SYNDIG1: variants seen among roughly 807,000 people sequenced by gnomAD.
SYNDIG1 encodes the protein synapse differentiation inducing 1.
In SYNDIG1, 9 loss-of-function variants were observed where a neutral mutation model predicts 19.4. That is an observed-to-expected ratio of 0.46 (90% CI 0.28 to 0.81). SYNDIG1 has a LOEUF of 0.81. SYNDIG1 is among the 30% of genes least tolerant of loss of function. The pLI, the probability that SYNDIG1 is intolerant of heterozygous loss-of-function variation, is 0.12. For synonymous variants in SYNDIG1, 141 were observed against 145.9 expected (o/e 0.97, Z 0.24); for missense variants, 311 against 343.3 (o/e 0.91, Z 0.74).
chr20:24,507,921 C>A (rs2056636997), intron 1 of SYNDIG1, among the ~76,000 whole-genome samples: 1 of 152,138 alleles, frequency 6.6e-6, no homozygotes, highest in African/African-American at 2.4e-5. Flanking sequence ...AACCCAGGAA[C>A]CTGCGCAGGG....
intron 2 of SYNDIG1, among the ~76,000 whole-genome samples, chr20:24,574,634 A>T (rs1177902778): frequency 6.6e-6 from 1 of 152,196 alleles, no homozygotes; most frequent in African/African-American, 2.4e-5. Flanking sequence ...TTCTTATCCT[A>T]CTCTAACCAT....
chr20:24,480,400 C>A (rs568135419), intron 1 of SYNDIG1, among the ~76,000 whole-genome samples: 113 of 152,212 alleles, frequency 7.4e-4, no homozygotes, highest in Non-Finnish European at 1.2e-3. Context: ...GATAATAAAA[C>A]GAAGTGTTCA....
chr20:24,484,431 A>G (rs2055899792), intron 1 of SYNDIG1, among the ~76,000 whole-genome samples: 1 of 152,190 alleles, frequency 6.6e-6, no homozygotes, highest in South Asian at 2.1e-4. Context: ...CTCCGGTTTG[A>G]GTTTTCTAGT....
At chr20:24,480,506 C>T (rs959892636) in intron 1 of SYNDIG1, among the ~76,000 whole-genome samples, 1 of 152,170 alleles carries the variant, frequency 6.6e-6, no homozygotes, top group Admixed American at 6.6e-5. Flanking sequence ...GAAATTGGAA[C>T]CCATGTGCAC....
intron 2 of SYNDIG1, among the ~76,000 whole-genome samples, chr20:24,551,628 A>G (rs1242648372): frequency 6.6e-6 from 1 of 152,020 alleles, no homozygotes; most frequent in African/African-American, 2.4e-5. Context: ...ATTCAAGGCT[A>G]TCACTTTCTT....
At chr20:24,589,363 AC>A (rs1243978899) in intron 3 of SYNDIG1, among the ~76,000 whole-genome samples, 1 of 152,248 alleles carries the variant, frequency 6.6e-6, no homozygotes, top group Non-Finnish European at 1.5e-5. Flanking sequence ...AATATTTCTA[AC>A]CCTTAAAGCC....
In SYNDIG1 at chr20:24,469,732, G is replaced by T. The variant is rs1301958921; in HGVS notation, c.-100G>T. The T allele has an allele frequency of 6.6e-6, 1 of 151,792 alleles. No individual in the cohort carries two copies. The highest frequency in any genetic ancestry group is 2.4e-5 in the African/African-American group (1 of 41,400). 9.4% of individuals were successfully genotyped at this position (151,792 alleles called of 1,614,324 possible). On this transcript the variant is annotated 5_prime_UTR_variant, in exon 1 of 4. Transcript: ENST00000376862. The stretch of plus-strand genomic sequence containing the variant: ...CGCGGGCGGCCGCTTGGGCGCACTT[G>T]CCGGGTCACCTTGTCCCGGAGGTAA...
At chr20:24,557,142 G>T (rs2057837876) in intron 2 of SYNDIG1, among the ~76,000 whole-genome samples, 1 of 152,028 alleles carries the variant, frequency 6.6e-6, no homozygotes, top group Non-Finnish European at 1.5e-5. Flanking sequence ...CTCGAGCCTT[G>T]GCTTTCAGCT....
chr20:24,576,012 C>T (rs1435879684), intron 2 of SYNDIG1, among the ~76,000 whole-genome samples: 1 of 152,130 alleles, frequency 6.6e-6, no homozygotes, highest in East Asian at 1.9e-4. Flanking sequence ...ACCACTGCAT[C>T]GGTGACAGCA....
intron 1 of SYNDIG1, among the ~76,000 whole-genome samples, chr20:24,534,981 C>T (rs2057333998): frequency 6.6e-6 from 1 of 152,234 alleles, no homozygotes; most frequent in Non-Finnish European, 1.5e-5. Flanking sequence ...ATTATTTTGT[C>T]ACCAACCACT....
intron 1 of SYNDIG1, among the ~76,000 whole-genome samples, chr20:24,484,963 C>A (rs2055914490): frequency 6.6e-6 from 1 of 152,122 alleles, no homozygotes. Context: ...GTAGTGAGTT[C>A]TTTCTTCCTT....
At chr20:24,661,464 AAGGAGGGAGGGAAGAGGGAGGAAGAAG>A (rs2059592124) in intron 3 of SYNDIG1, among the ~76,000 whole-genome samples, 1 of 113,992 alleles carries the variant, frequency 8.8e-6, no homozygotes, top group African/African-American at 3.3e-5. Flanking sequence ...AGGAAGTAGG[AAGGAGGGAGGGAAGAGGGAGGAAGAAG>A]GGAGGGAGGG....
intron 1 of SYNDIG1, among the ~76,000 whole-genome samples, chr20:24,512,581 G>A (rs983296115): frequency 2.6e-5 from 4 of 152,232 alleles, no homozygotes; most frequent in East Asian, 1.9e-4. Context: ...AGGCAGCAGC[G>A]AGGCTGGGGG....
intron 1 of SYNDIG1, among the ~76,000 whole-genome samples, chr20:24,500,519 TTTCTTTCTTTCTTC>T (rs1314828918): frequency 9.3e-6 from 1 of 107,996 alleles, no homozygotes; most frequent in Non-Finnish European, 1.9e-5. Flanking sequence ...TCTTTCTTTC[TTTCTTTCTTTCTTC>T]TTTCTTTCTT....
chr20:24,543,516 A>C lies in SYNDIG1; in HGVS notation c.419A>C (p.Asp140Ala). ...AAGTTCATTGACCTCTCAGCTGATG[A>C]CATAAAAATCCACACCCTGTCCTAC... ...DGKFIDLSAD[D>A]IKIHTLSYDV... The change falls in exon 2 of 4, where the codon GAC (aspartate) becomes GCC (alanine). Residue 140 changes from aspartate to alanine, a missense_variant. Coordinates refer to ENST00000376862, the MANE Select transcript of SYNDIG1 (RefSeq NM_024893.3). 1 of 1,609,696 alleles carries C rather than the reference A, an allele frequency of 6.2e-7. No homozygotes were observed. Among genetic ancestry groups the C allele is most frequent in the Non-Finnish European group, 8.5e-7 (1 of 1,179,950 alleles).
chr20:24,492,021 A>G (rs2056163733), intron 1 of SYNDIG1, among the ~76,000 whole-genome samples: 1 of 152,270 alleles, frequency 6.6e-6, no homozygotes, highest in Admixed American at 6.5e-5. Context: ...TGCCCTAGGC[A>G]GAGCCAGGCA....
intron 2 of SYNDIG1, among the ~76,000 whole-genome samples, chr20:24,576,981 T>G (rs1211164938): frequency 6.6e-6 from 1 of 151,962 alleles, no homozygotes; most frequent in East Asian, 1.9e-4. Flanking sequence ...AGTTTGTTGT[T>G]GCTTGTTTCA....
intron 3 of SYNDIG1, among the ~76,000 whole-genome samples, chr20:24,628,175 GA>G (rs2059186422): frequency 6.6e-6 from 1 of 152,118 alleles, no homozygotes; most frequent in African/African-American, 2.4e-5. Context: ...TATCTGGGAA[GA>G]AAAGAAAAGA....
chr20:24,505,143 G>A (rs1318741342), intron 1 of SYNDIG1, among the ~76,000 whole-genome samples: 1 of 152,174 alleles, frequency 6.6e-6, no homozygotes, highest in Non-Finnish European at 1.5e-5. Flanking sequence ...TAGCTGAGTG[G>A]TCATCGGCAC....
Sources: allele counts gnomAD v4.1 joint callset (sites outside exome capture counted in the v4.1 genomes callset), GRCh38; gene constraint gnomAD v4.1.1; transcripts MANE v1.5; gene names NCBI Gene and HGNC (gene_info 2026-07-23, HGNC 2026-07-21).